Variants in SDC1 observed in about 807,000 individuals in gnomAD.
SDC1 encodes the protein syndecan-1.
A neutral mutation model predicts 29.7 loss-of-function variants in SDC1; 14 were observed. The ratio of observed to expected loss-of-function variants is 0.47; its 90% CI spans 0.31 to 0.74. SDC1 has a LOEUF of 0.74. SDC1 is among the 30% of genes least tolerant of loss of function. The pLI, the probability that SDC1 is intolerant of heterozygous loss-of-function variation, is 0.05. For synonymous variants in SDC1, 204 were observed against 175.5 expected (o/e 1.16, Z -1.29); for missense variants, 406 against 400.3 (o/e 1.01, Z -0.12).
In SDC1 at chr2:20,201,779, T is replaced by A. The variant is rs1452742128; in HGVS notation, c.*987A>T. The A allele has an allele frequency of 6.5e-6, 1 of 153,076 alleles. No individual in the cohort carries two copies. Among genetic ancestry groups the A allele is most frequent in the African/African-American group, 2.4e-5 (1 of 41,424 alleles). The allele number at this position is 153,076 out of a possible 1,614,324, so 9.5% of individuals were successfully genotyped here. A position where few individuals can be genotyped will look rare whatever the true frequency, so the allele number is the denominator to read the frequency against. ...AGGACGGGCGTGGTCTGCAGGAGGA[T>A]CTCCAGGCCCCTGCCGCCCTCCCTA... On this transcript the variant is annotated 3_prime_UTR_variant, in exon 5 of 5. Transcript: ENST00000254351.
intron 3 of SDC1, 93 bp downstream of exon 3, chr2:20,203,720 G>A (rs371323651): frequency 2.0e-4 from 191 of 943,734 alleles, no homozygotes; most frequent in Middle Eastern, 1.0e-3. Flanking sequence ...TGAGGAATAC[G>A]AGATGCCCGC....
chr2:20,219,406 C>T (rs150077312), intron 1 of SDC1, among the ~76,000 whole-genome samples: 20 of 152,330 alleles, frequency 1.3e-4, no homozygotes, highest in African/African-American at 4.8e-4. Flanking sequence ...GAAGCGATGG[C>T]GTGGGCCCCA....
At chr2:20,220,715 A>C (rs1205159962) in intron 1 of SDC1, among the ~76,000 whole-genome samples, 2 of 152,180 alleles carry the variant, frequency 1.3e-5, no homozygotes, top group African/African-American at 4.8e-5. Context: ...CTTGGAAGGA[A>C]AGTGACTCAC....
intron 1 of SDC1, among the ~76,000 whole-genome samples, chr2:20,207,051 G>A (rs900291864): frequency 1.3e-5 from 2 of 152,268 alleles, no homozygotes; most frequent in Non-Finnish European, 2.9e-5. Context: ...GGCCTCCTCA[G>A]CCCAAGAGGC....
rs1677934933 is a variant in SDC1 at position 20,224,690 on chromosome 2, G to A, written c.66+112C>T. On this transcript the variant is annotated intron_variant, in intron 1 of 4. Transcript: ENST00000254351. The surrounding 1 kb of genome is among the most constrained non-coding windows in gnomAD (Gnocchi z 4.9). ...CCCGGGACCCGCTGGGCTAGCGCGG[G>A]AAGAAGGGAAGTCTTCGCTCCCCCT... 3 of 1,162,662 alleles carry A rather than the reference G, an allele frequency of 2.6e-6. No individual in the cohort carries two copies. Among genetic ancestry groups the A allele is most frequent in the Non-Finnish European group, 2.1e-6 (2 of 933,994 alleles). 72.0% of individuals were successfully genotyped at this position (1,162,662 alleles called of 1,614,324 possible). A position where few individuals can be genotyped will look rare whatever the true frequency, so the allele number is the denominator to read the frequency against.
intron 1 of SDC1, among the ~76,000 whole-genome samples, chr2:20,208,715 G>A (rs1677365837): frequency 6.6e-6 from 1 of 152,188 alleles, no homozygotes; most frequent in Admixed American, 6.5e-5. Flanking sequence ...CAACCTGGGT[G>A]CTTCCGAGGC....
Position 20,204,280 on chromosome 2 carries a change from C to G in SDC1, c.160G>C (p.Asp54His). Residue 54 changes from aspartate to histidine, a missense_variant, in exon 3 of 5, where the codon GAT (aspartate) becomes CAT (histidine). Asp to His is a moderately conservative substitution (Grantham distance 81). Transcript: ENST00000254351. ...GGGGTCTGCTGTGACAAGGTGATAT[C>G]TTGCAAAGCACCTGCAGGACCAGAA... ...FSGSGAGALQ[D>H]ITLSQQTPST... 1 of 1,535,146 alleles carries G rather than the reference C, an allele frequency of 6.5e-7. No individual in the cohort carries two copies. Among genetic ancestry groups the G allele is most frequent in the Non-Finnish European group, 8.8e-7 (1 of 1,136,136 alleles).
chr2:20,201,729 A>G lies in SDC1; in HGVS notation c.*1037T>C, dbSNP rs1053859820. On this transcript the variant is annotated 3_prime_UTR_variant, in exon 5 of 5. Transcript: ENST00000254351. The stretch of plus-strand genomic sequence containing the variant: ...CCCTCGTCAATTTCCAGGAGGAAGC[A>G]GCCCCTGGAGACGGCGCCACAGGCA... 6.5e-6 allele frequency: 1 copy of G among 152,836 alleles called. No individual in the cohort carries two copies. Among genetic ancestry groups the G allele is most frequent in the African/African-American group, 2.4e-5 (1 of 41,452 alleles). The allele number at this position is 152,836 out of a possible 1,614,324, so 9.5% of individuals were successfully genotyped here.
At chr2:20,209,950 C>T (rs1352821196) in intron 1 of SDC1, among the ~76,000 whole-genome samples, 3 of 152,226 alleles carry the variant, frequency 2.0e-5, no homozygotes, top group Non-Finnish European at 4.4e-5. Flanking sequence ...CCTGAGGCCA[C>T]CAGGTCAGAA....
intron 2 of SDC1, among the ~76,000 whole-genome samples, chr2:20,204,554 G>A (rs1444400692): frequency 6.6e-6 from 1 of 152,052 alleles, no homozygotes; most frequent in Non-Finnish European, 1.5e-5. Flanking sequence ...ACCTGGGAAA[G>A]CTTTTCTGTG....
At chr2:20,223,647 G>C (rs533746406) in intron 1 of SDC1, among the ~76,000 whole-genome samples, 140 of 152,312 alleles carry the variant, frequency 9.2e-4, no homozygotes, top group Middle Eastern at 3.4e-3. Flanking sequence ...GCACCGGGCG[G>C]CCCGCGCTGA....
chr2:20,208,690 C>T (rs1012601827), intron 1 of SDC1, among the ~76,000 whole-genome samples: 1 of 152,222 alleles, frequency 6.6e-6, no homozygotes, highest in Non-Finnish European at 1.5e-5. Context: ...GGGTAGCTCT[C>T]CCCAGCATCA....
chr2:20,208,216 G>T, intron 1 of SDC1: 1 of 651,986 alleles, frequency 1.5e-6, no homozygotes. Context: ...GGAACGCCAG[G>T]GAGGCCCCAA....
chr2:20,219,022 G>C (rs1240223927), intron 1 of SDC1, among the ~76,000 whole-genome samples: 1 of 152,210 alleles, frequency 6.6e-6, no homozygotes, highest in African/African-American at 2.4e-5. Context: ...ACCAGTGGCA[G>C]CCTCGGGAAG....
chr2:20,206,269 G>A (rs1037850196), intron 1 of SDC1, among the ~76,000 whole-genome samples: 2 of 152,240 alleles, frequency 1.3e-5, no homozygotes, highest in Non-Finnish European at 2.9e-5. Flanking sequence ...GCAGTCCCAG[G>A]AATGCTGCCC....
In SDC1 at chr2:20,210,616, G is replaced by A. The variant is rs538094270; in HGVS notation, c.67-5192C>T. Among the ~76,000 whole-genome samples the A allele has an allele frequency of 2.1e-3, 313 of 152,314 alleles. 4 individuals carry two copies. The highest frequency in any genetic ancestry group is 7.2e-3 in the African/African-American group (301 of 41,554). On this transcript the variant is annotated intron_variant, in intron 1 of 4. Transcript: ENST00000254351. ...TCTGTCAGCTGTACCTGCCCCGTGT[G>A]GCCACGAAATCCCCGGCTTCTGTGG...
intron 1 of SDC1, among the ~76,000 whole-genome samples, chr2:20,217,998 C>T (rs989162651): frequency 5.3e-5 from 8 of 152,298 alleles, no homozygotes; most frequent in South Asian, 2.1e-4. Context: ...CCCATCCCAC[C>T]GATGACCCCT....
intron 2 of SDC1, 138 bp from the exon 3 acceptor site, chr2:20,204,429 G>C (rs1310201889): frequency 1.5e-6 from 1 of 664,384 alleles, no homozygotes. Flanking sequence ...CTAGTACCTG[G>C]ACAAGGCAGC....
At position 20,204,356 on chromosome 2, in the gene SDC1, G is replaced by A. The variant is rs530693003; in HGVS notation, c.149-65C>T. The A allele has an allele frequency of 5.6e-5, 54 of 970,394 alleles. No homozygotes were observed. The Middle Eastern group carries it at 7.9e-4, about 14-fold the overall frequency. The allele number at this position is 970,394 out of a possible 1,614,324, so 60.1% of individuals were successfully genotyped here. A position where few individuals can be genotyped will look rare whatever the true frequency, so the allele number is the denominator to read the frequency against. On this transcript the variant is annotated intron_variant, in intron 2 of 4. Coordinates refer to ENST00000254351, the MANE Select transcript of SDC1 (RefSeq NM_002997.5). Reference sequence around the variant, plus strand: ...GTGGGGAGGACCAGAAGCAGAGTGTGTTGGGTGGGTCGGGGGAGGCTCCAG... The same window carrying A: ...GTGGGGAGGACCAGAAGCAGAGTGTATTGGGTGGGTCGGGGGAGGCTCCAG...
Sources: gnomAD v4.1 joint callset for allele counts (sites outside exome capture counted in the v4.1 genomes callset) on GRCh38, gnomAD v4.1.1 for gene constraint, Gnocchi (gnomAD v3.1) non-coding constraint, MANE v1.5 for transcripts, NCBI Gene and HGNC (gene_info 2026-07-23, HGNC 2026-07-21) for gene names.